The following FHIT variants were observed in gnomAD, a reference collection of about 807,000 sequenced individuals.
FHIT encodes bis(5'-adenosyl)-triphosphatase.
In FHIT, 19 loss-of-function variants were observed where a neutral mutation model predicts 17.9. The observed-to-expected ratio is 1.06, with a 90% CI of 0.74 to 1.56. The LOEUF (loss-of-function observed/expected upper bound fraction) is 1.56. FHIT is among the 40% of genes most tolerant of loss of function. The pLI, the probability that FHIT is intolerant of heterozygous loss-of-function variation, is 0.00. For synonymous variants in FHIT, 81 were observed against 69.7 expected, an observed-to-expected ratio of 1.16 and a Z score of -0.81; for missense variants, 248 against 189.2, an observed-to-expected ratio of 1.31 and a Z score of -1.82.
intron 2 of FHIT, among the ~76,000 whole-genome samples, chr3:61,108,390 G>GGCACTGGGGAAATA (rs1392504539): frequency 1.3e-5 from 2 of 152,120 alleles, no homozygotes; most frequent in African/African-American, 4.8e-5. Flanking sequence ...CCACTGTTTG[G>GGCACTGGGGAAATA]GCACTGGGGA....
intron 5 of FHIT, among the ~76,000 whole-genome samples, chr3:60,325,025 T>C (rs961675726): frequency 1.3e-5 from 2 of 152,174 alleles, no homozygotes; most frequent in Non-Finnish European, 2.9e-5. Flanking sequence ...TCTACTGTGC[T>C]AATATATCCC....
Position 60,129,927 on chromosome 3 carries a change from T to C in FHIT, c.104-115775A>G, listed in dbSNP as rs1165263610. 2.6e-5 allele frequency among the ~76,000 whole-genome samples: 4 copies of C among 152,292 alleles called. No homozygotes were observed. In the East Asian group the frequency reaches 7.7e-4, roughly 29 times the overall value. ...CTCTTCTCACCCTTTCCACACTGTG[T>C]CTGTTTTTGTGCCCTTTTCTAGAGT... On this transcript the variant is annotated intron_variant, in intron 5 of 9. Coordinates refer to ENST00000492590, the MANE Select transcript of FHIT (RefSeq NM_002012.4).
intron 3 of FHIT, among the ~76,000 whole-genome samples, chr3:61,024,249 T>C (rs1432548641): frequency 6.6e-6 from 1 of 152,124 alleles, no homozygotes; most frequent in Non-Finnish European, 1.5e-5. Context: ...AAGCAAAGCT[T>C]CAAAGGACTT....
intron 4 of FHIT, among the ~76,000 whole-genome samples, chr3:60,731,132 A>AAAAT (rs1224423042): frequency 3.3e-5 from 5 of 152,078 alleles, no homozygotes; most frequent in Admixed American, 6.5e-5. Flanking sequence ...CTCTGTCTCA[A>AAAAT]AAATAAATAA....
intron 5 of FHIT, among the ~76,000 whole-genome samples, chr3:60,185,002 T>C (rs1702098773): frequency 6.6e-6 from 1 of 152,154 alleles, no homozygotes; most frequent in South Asian, 2.1e-4. Flanking sequence ...ACTGTCTTAC[T>C]TCTTGGCACT....
chr3:60,575,790 G>T (rs1027920295), intron 4 of FHIT, among the ~76,000 whole-genome samples: 1 of 152,120 alleles, frequency 6.6e-6, no homozygotes, highest in African/African-American at 2.4e-5. Context: ...GAAGAGTTGT[G>T]AATGAAAGTA....
chr3:60,799,020 T>C (rs1163467594), intron 4 of FHIT, among the ~76,000 whole-genome samples: 1 of 152,024 alleles, frequency 6.6e-6, no homozygotes, highest in African/African-American at 2.4e-5. Context: ...CTGCAATAGG[T>C]TTTTTATTGC....
intron 5 of FHIT, among the ~76,000 whole-genome samples, chr3:60,213,713 T>C (rs768817089): frequency 4.6e-5 from 7 of 152,228 alleles, no homozygotes; most frequent in Non-Finnish European, 7.3e-5. Context: ...AGAATTTTTA[T>C]TGTAGACATC....
chr3:60,217,317 C>T (rs928436796), intron 5 of FHIT, among the ~76,000 whole-genome samples: 3 of 152,106 alleles, frequency 2.0e-5, no homozygotes, highest in Non-Finnish European at 4.4e-5. Flanking sequence ...ACAGATGAGT[C>T]GAAGAAAAGA....
intron 5 of FHIT, among the ~76,000 whole-genome samples, chr3:60,479,689 G>C (rs971052393): frequency 3.3e-5 from 5 of 152,196 alleles, no homozygotes; most frequent in Non-Finnish European, 7.3e-5. Context: ...TACTGCCTGA[G>C]CTCTACCTCC....
intron 2 of FHIT, among the ~76,000 whole-genome samples, chr3:61,064,655 G>A (rs2034539790): frequency 6.6e-6 from 1 of 152,142 alleles, no homozygotes; most frequent in Non-Finnish European, 1.5e-5. Flanking sequence ...GCAACTAGAT[G>A]TGAGATAAGG....
intron 5 of FHIT, among the ~76,000 whole-genome samples, chr3:60,281,618 C>CAA (rs71627529): frequency 0.36 from 32,678 of 91,908 alleles, 4,322 homozygotes; most frequent in East Asian, 0.69. Flanking sequence ...ATCCATATGC[C>CAA]AAAAAAAAAA....
intron 3 of FHIT, among the ~76,000 whole-genome samples, chr3:61,036,974 C>G (rs545047447): frequency 6.7e-6 from 1 of 148,594 alleles, no homozygotes; most frequent in East Asian, 2.0e-4. Flanking sequence ...TGCAGTGGCA[C>G]TATCTCCGCT....
chr3:60,034,936 G>A (rs554420229), intron 5 of FHIT, among the ~76,000 whole-genome samples: 9 of 152,146 alleles, frequency 5.9e-5, no homozygotes, highest in East Asian at 1.9e-4. Flanking sequence ...TCTCTGATTC[G>A]GTTCTAATTT....
intron 8 of FHIT, among the ~76,000 whole-genome samples, chr3:59,826,313 G>A (rs917714990): frequency 2.1e-4 from 32 of 152,296 alleles, no homozygotes; most frequent in African/African-American, 7.7e-4. Flanking sequence ...GTTTCACCAT[G>A]TTGGATCACC....
chr3:59,786,588 T>C (rs532750112), intron 8 of FHIT, among the ~76,000 whole-genome samples: 1 of 152,354 alleles, frequency 6.6e-6, no homozygotes, highest in South Asian at 2.1e-4. Context: ...TGAGCATGCA[T>C]GCAGAATGAT....
chr3:60,439,930 C>T (rs1406761516), intron 5 of FHIT, among the ~76,000 whole-genome samples: 1 of 152,010 alleles, frequency 6.6e-6, no homozygotes, highest in Non-Finnish European at 1.5e-5. Flanking sequence ...TATGTTCATG[C>T]TGCGTTCCAT....
chr3:60,309,350 C>T (rs76599943), intron 5 of FHIT, among the ~76,000 whole-genome samples: 13,817 of 151,872 alleles, frequency 0.091, 667 homozygotes, highest in Non-Finnish European at 0.098. Context: ...CCACTTCTGA[C>T]ACTTTGGTAT....
In FHIT at chr3:60,226,493, A is replaced by C. The variant is rs113225383; in HGVS notation, c.104-212341T>G. Among the ~76,000 whole-genome samples, 873 of 147,140 alleles carry C rather than the reference A, an allele frequency of 5.9e-3. 18 individuals carry two copies. The highest frequency in any genetic ancestry group is 0.021 in the African/African-American group (799 of 37,774). On this transcript the variant is annotated intron_variant, in intron 5 of 9. Coordinates refer to ENST00000492590, the MANE Select transcript of FHIT (RefSeq NM_002012.4). ...GTCTCAAAAAAAAAAAAAAAAAAAA[A>C]ACACTGCCTGCCTGCACTATACTAA... is the stretch of plus-strand genomic sequence containing the variant.
Sources: gnomAD v4.1 joint callset for allele counts (sites outside exome capture counted in the v4.1 genomes callset) on GRCh38, gnomAD v4.1.1 for gene constraint, MANE v1.5 for transcripts, NCBI Gene and HGNC (gene_info 2026-07-23, HGNC 2026-07-21) for gene names.